The following ETV6 variants were observed in gnomAD, a reference collection of about 807,000 sequenced individuals.
ETV6 encodes ETS variant transcription factor 6, also known as transcription factor ETV6.
ETV6 carries 16 observed loss-of-function variants against 51.1 expected under a neutral mutation model. The ratio of observed to expected loss-of-function variants is 0.31; its 90% confidence interval spans 0.21 to 0.48. ETV6 has a LOEUF of 0.48. ETV6 is among the 20% of genes least tolerant of loss of function. The pLI is 0.99. For missense variants in ETV6, 458 were observed against 594.8 expected, an observed-to-expected ratio of 0.77 and a Z score of 2.39; for synonymous variants, 240 against 224.1, an observed-to-expected ratio of 1.07 and a Z score of -0.64.
At chr12:11,818,116 C>T (rs1306524154) in intron 2 of ETV6, among the ~76,000 whole-genome samples, 1 of 152,128 alleles carries the variant, frequency 6.6e-6, no homozygotes, top group African/African-American at 2.4e-5. Flanking sequence ...GAAAAAAGGT[C>T]TGGGAAAGGG....
chr12:11,726,353 T>C (rs1322786565), intron 1 of ETV6, among the ~76,000 whole-genome samples: 4 of 152,208 alleles, frequency 2.6e-5, no homozygotes, highest in Non-Finnish European at 4.4e-5. Context: ...GATCCACTCT[T>C]GCAGTAGCCT....
intron 1 of ETV6, among the ~76,000 whole-genome samples, chr12:11,689,732 C>T (rs1183105501): frequency 6.6e-6 from 1 of 151,602 alleles, no homozygotes; most frequent in Non-Finnish European, 1.5e-5. Context: ...GATGTATTTC[C>T]GCATTCTGGT....
intron 7 of ETV6, among the ~76,000 whole-genome samples, chr12:11,890,738 A>G (rs918123825): frequency 1.1e-4 from 17 of 152,104 alleles, no homozygotes; most frequent in Non-Finnish European, 1.2e-4. Flanking sequence ...GTCTTTTTAA[A>G]TAAGCATTTT....
chr12:11,669,990 G>A (rs1277036306), intron 1 of ETV6, among the ~76,000 whole-genome samples: 1 of 150,722 alleles, frequency 6.6e-6, no homozygotes, highest in East Asian at 1.9e-4. Context: ...GCTTTTCGAT[G>A]ATTCTACCCC....
intron 1 of ETV6, among the ~76,000 whole-genome samples, chr12:11,657,351 G>A (rs968405698): frequency 4.6e-5 from 7 of 152,162 alleles, no homozygotes; most frequent in African/African-American, 1.7e-4. Context: ...GAAAAAACAG[G>A]CAAGAATTCA....
chr12:11,840,174 C>G (rs1321366742), intron 3 of ETV6, among the ~76,000 whole-genome samples: 1 of 152,148 alleles, frequency 6.6e-6, no homozygotes, highest in Non-Finnish European at 1.5e-5. Context: ...GCAGAGGTCT[C>G]CTCGGGCTCA....
chr12:11,752,436 C>T lies in ETV6; in HGVS notation c.34-14C>T, dbSNP rs377083335. ...TCTCTCCCCCTCCCCTCTTCCTGCC[C>T]TTATTTTTAACAGCAGGAACGAATT... On this transcript the variant is annotated splice_polypyrimidine_tract_variant and intron_variant, in intron 1 of 7. Coordinates refer to ENST00000396373, the MANE Select transcript of ETV6 (RefSeq NM_001987.5). 1.9e-6 allele frequency: 3 copies of T among 1,605,510 alleles called. No individual in the cohort carries two copies. The African/African-American group carries it at 4.0e-5, about 21-fold the overall frequency.
intron 2 of ETV6, among the ~76,000 whole-genome samples, chr12:11,827,068 T>TCACACACACA (rs1491232978): frequency 1.0e-4 from 10 of 100,474 alleles, no homozygotes; most frequent in Admixed American, 5.6e-4. Flanking sequence ...GAGAAGTCTG[T>TCACACACACA]CTCACACACA....
intron 1 of ETV6, among the ~76,000 whole-genome samples, chr12:11,684,552 C>A (rs1864591712): frequency 6.6e-6 from 1 of 152,192 alleles, no homozygotes; most frequent in Admixed American, 6.6e-5. Context: ...CATCACTCGG[C>A]TTCAACAGTG....
rs995283286 is a variant in ETV6, at chr12:11,893,209, T to C, written c.*2163T>C. ...ATACCTGATGTATTGTGAAAGCCAC[T>C]GATTTTAAGAATGGAGAGAAAGGGA... On this transcript the variant is annotated 3_prime_UTR_variant, in exon 8 of 8. Transcript: ENST00000396373. 17 of 232,722 alleles carry C rather than the reference T, an allele frequency of 7.3e-5. No homozygotes were observed. The highest frequency in any genetic ancestry group is 3.3e-4 in the African/African-American group (15 of 45,314). The allele number at this position is 232,722 out of a possible 1,614,324, so 14.4% of individuals were successfully genotyped here.
chr12:11,674,863 C>T (rs966455950), intron 1 of ETV6, among the ~76,000 whole-genome samples: 3 of 152,088 alleles, frequency 2.0e-5, no homozygotes, highest in African/African-American at 4.8e-5. Context: ...TGGCTGTGTC[C>T]GGATCCACCA....
At chr12:11,707,175 G>A (rs1315403913) in intron 1 of ETV6, among the ~76,000 whole-genome samples, 1 of 152,160 alleles carries the variant, frequency 6.6e-6, no homozygotes, top group African/African-American at 2.4e-5. Flanking sequence ...AAGAAGAGCA[G>A]CTGTGTAAAG....
chr12:11,801,198 A>G (rs1476768736), intron 2 of ETV6, among the ~76,000 whole-genome samples: 1 of 152,226 alleles, frequency 6.6e-6, no homozygotes, highest in East Asian at 1.9e-4. Flanking sequence ...AGGGAACAAA[A>G]TAGACCTCTC....
At chr12:11,788,474 C>A (rs963915310) in intron 2 of ETV6, among the ~76,000 whole-genome samples, 3 of 152,200 alleles carry the variant, frequency 2.0e-5, no homozygotes, top group African/African-American at 7.2e-5. Context: ...GGAAACCTAG[C>A]ATCTGGCGCA....
chr12:11,661,382 C>T (rs1021046416), intron 1 of ETV6, among the ~76,000 whole-genome samples: 7 of 152,312 alleles, frequency 4.6e-5, no homozygotes, highest in South Asian at 2.1e-4. Flanking sequence ...TTTTGAGACC[C>T]GTCACTCTCC....
At chr12:11,737,498 T>C (rs773681051) in intron 1 of ETV6, among the ~76,000 whole-genome samples, 1 of 152,232 alleles carries the variant, frequency 6.6e-6, no homozygotes, top group African/African-American at 2.4e-5. Flanking sequence ...GTCATGTAGA[T>C]GAGACACGTT....
rs1454281380 is a variant in ETV6 at position 11,650,061 on chromosome 12, TG to T, written c.-64del. On this transcript the variant is annotated 5_prime_UTR_variant, in exon 1 of 8. An upstream open reading frame in the 5' UTR gains an earlier in-frame stop. Coordinates refer to ENST00000396373, the MANE Select transcript of ETV6 (RefSeq NM_001987.5). Reference sequence around the variant, plus strand: ...CGTCTGGCTGGCCGTGGAGCCTTTCTGGGTTGGGGAGAGGAAAGGAAAGTGG... The same window carrying T: ...CGTCTGGCTGGCCGTGGAGCCTTTCTGGTTGGGGAGAGGAAAGGAAAGTGG... 1.1e-5 allele frequency: 16 copies of T among 1,455,308 alleles called. No individual in the cohort carries two copies. In the African/African-American group the frequency reaches 2.1e-4, roughly 19 times the overall value. 90.1% of individuals were successfully genotyped at this position (1,455,308 alleles called of 1,614,324 possible).
chr12:11,887,760 A>G (rs1157793509), intron 7 of ETV6, among the ~76,000 whole-genome samples: 3 of 151,812 alleles, frequency 2.0e-5, no homozygotes, highest in Non-Finnish European at 2.9e-5. Context: ...AAAAAAAAAA[A>G]AAAAAGAAAA....
intron 2 of ETV6, among the ~76,000 whole-genome samples, chr12:11,753,081 A>AG (rs1866069180): frequency 6.6e-6 from 1 of 151,340 alleles, no homozygotes; most frequent in Non-Finnish European, 1.5e-5. Flanking sequence ...TTCGTTTTCT[A>AG]GGCCTGCATA....
Sources: allele counts gnomAD v4.1 joint callset (sites outside exome capture counted in the v4.1 genomes callset), GRCh38; gene constraint gnomAD v4.1.1; transcripts MANE v1.5; gene names NCBI Gene and HGNC (gene_info 2026-07-23, HGNC 2026-07-21).